Variants in IQSEC1 observed in about 807,000 individuals in gnomAD.
IQSEC1 encodes the protein IQ motif and Sec7 domain ArfGEF 1.
In IQSEC1, 31 loss-of-function variants were observed where a neutral mutation model predicts 91.0. The ratio of observed to expected loss-of-function variants is 0.34; its 90% CI spans 0.26 to 0.46. The LOEUF (loss-of-function observed/expected upper bound fraction) is 0.46, where lower values mean the gene tolerates loss of function less well. IQSEC1 is among the 20% of genes least tolerant of loss of function. The pLI is 1.00. For synonymous variants in IQSEC1, 699 were observed against 662.6 expected (o/e 1.05, Z -0.84); for missense variants, 1,388 against 1,575.6 (o/e 0.88, Z 2.02).
intron 2 of IQSEC1, among the ~76,000 whole-genome samples, chr3:13,090,945 G>A (rs1300394814): frequency 6.6e-6 from 1 of 152,194 alleles, no homozygotes; most frequent in Non-Finnish European, 1.5e-5. Flanking sequence ...CAGCCGCGGG[G>A]ACAGCACTGG....
chr3:13,129,522 T>C (rs1706571440), intron 2 of IQSEC1, among the ~76,000 whole-genome samples: 1 of 152,206 alleles, frequency 6.6e-6, no homozygotes, highest in African/African-American at 2.4e-5. Flanking sequence ...GGGTTTAATT[T>C]GTTCTTAAAA....
intron 1 of IQSEC1, among the ~76,000 whole-genome samples, chr3:12,985,542 A>G (rs1223094636): frequency 1.3e-5 from 2 of 151,970 alleles, no homozygotes; most frequent in Non-Finnish European, 2.9e-5. Context: ...GCTTTCCTTA[A>G]GTCCTGCTGA....
intron 1 of IQSEC1, among the ~76,000 whole-genome samples, chr3:13,219,191 C>T (rs565564647): frequency 1.3e-5 from 2 of 152,336 alleles, no homozygotes; most frequent in East Asian, 1.9e-4. Context: ...AGTCCATCCA[C>T]CTCACCAGCA....
At chr3:13,221,850 C>A (rs1331176102) in intron 1 of IQSEC1, among the ~76,000 whole-genome samples, 1 of 152,240 alleles carries the variant, frequency 6.6e-6, no homozygotes. Flanking sequence ...ATAAAGGACT[C>A]CAGGGCCTGA....
At chr3:13,050,353 C>A (rs541524021) in intron 1 of IQSEC1, among the ~76,000 whole-genome samples, 13 of 152,260 alleles carry the variant, frequency 8.5e-5, no homozygotes, top group African/African-American at 2.9e-4. Flanking sequence ...CCAGAGAGAA[C>A]CCTCAGCCCA....
At position 12,900,656 on chromosome 3, in the gene IQSEC1, G is replaced by C; in HGVS notation, c.*327C>G. 2 of 1,251,288 alleles carry C rather than the reference G, an allele frequency of 1.6e-6. No individual in the cohort carries two copies. The highest frequency in any genetic ancestry group is 2.0e-6 in the Non-Finnish European group (2 of 991,870). The allele number at this position is 1,251,288 out of a possible 1,614,324, so 77.5% of individuals were successfully genotyped here. On this transcript the variant is annotated 3_prime_UTR_variant, in exon 14 of 14. Coordinates refer to ENST00000613206, the MANE Select transcript of IQSEC1 (RefSeq NM_001134382.3). ...GGTTTTCATATGCATGTACATTAGGGCACAGGGAGCTGAGAGCTGGAGTGG... is the reference window on the plus strand; with the variant it reads ...GGTTTTCATATGCATGTACATTAGGCCACAGGGAGCTGAGAGCTGGAGTGG...
chr3:13,091,636 C>T (rs976219438), intron 2 of IQSEC1, among the ~76,000 whole-genome samples: 1 of 152,222 alleles, frequency 6.6e-6, no homozygotes, highest in African/African-American at 2.4e-5. Context: ...ACAATGCTCC[C>T]AGGAAGCCCG....
rs1233934565 is a variant in IQSEC1 at position 12,897,729 on chromosome 3, C to G, written c.*3254G>C. 1.3e-5 allele frequency: 2 copies of G among 152,180 alleles called. No individual in the cohort carries two copies. The highest frequency in any genetic ancestry group is 2.4e-5 in the African/African-American group (1 of 41,430). 9.4% of individuals were successfully genotyped at this position (152,180 alleles called of 1,614,324 possible). A position where few individuals can be genotyped will look rare whatever the true frequency, so the allele number is the denominator to read the frequency against. Reference sequence around the variant, plus strand: ...GCTTACCTGCGGGCACAGAGCTTCCCGTGGCGCTGAGTCAACACCCAGCAT... The same window carrying G: ...GCTTACCTGCGGGCACAGAGCTTCCGGTGGCGCTGAGTCAACACCCAGCAT... On this transcript the variant is annotated 3_prime_UTR_variant, in exon 14 of 14. Coordinates refer to ENST00000613206, the MANE Select transcript of IQSEC1 (RefSeq NM_001134382.3).
chr3:12,897,899 ATTTTT>A lies in IQSEC1; in HGVS notation c.*3079_*3083del, dbSNP rs1693808101. On this transcript the variant is annotated 3_prime_UTR_variant, in exon 14 of 14. Coordinates refer to ENST00000613206, the MANE Select transcript of IQSEC1 (RefSeq NM_001134382.3). Reference sequence around the variant, plus strand: ...TGCACAGCATATTAGGATGAACTTTATTTTTACATTGTTGTACAATTCATTGGTAA... The same window carrying A: ...TGCACAGCATATTAGGATGAACTTTAACATTGTTGTACAATTCATTGGTAA... The A allele has an allele frequency of 6.6e-6, 1 of 152,364 alleles. No individual in the cohort carries two copies. Among genetic ancestry groups the A allele is most frequent in the East Asian group, 1.9e-4 (1 of 5,194 alleles). 9.4% of individuals were successfully genotyped at this position (152,364 alleles called of 1,614,324 possible). A position where few individuals can be genotyped will look rare whatever the true frequency, so the allele number is the denominator to read the frequency against.
At chr3:12,956,525 G>C (rs550114193) in intron 1 of IQSEC1, among the ~76,000 whole-genome samples, 2 of 152,312 alleles carry the variant, frequency 1.3e-5, no homozygotes, top group South Asian at 4.1e-4. Flanking sequence ...TAACCACCAA[G>C]CCTCAATTCA....
chr3:13,121,379 G>A (rs1576259608), intron 2 of IQSEC1, among the ~76,000 whole-genome samples: 1 of 152,290 alleles, frequency 6.6e-6, no homozygotes, highest in Non-Finnish European at 1.5e-5. Flanking sequence ...AGGAACCCAC[G>A]GCTGGGAGGG....
At chr3:13,037,925 G>T (rs1382961380) in intron 1 of IQSEC1, among the ~76,000 whole-genome samples, 1 of 151,880 alleles carries the variant, frequency 6.6e-6, no homozygotes, top group African/African-American at 2.4e-5. Flanking sequence ...GGAGATGGAC[G>T]GTGGGAATGA....
At chr3:12,991,466 T>C (rs1033171923) in intron 1 of IQSEC1, among the ~76,000 whole-genome samples, 2 of 152,180 alleles carry the variant, frequency 1.3e-5, no homozygotes, top group Admixed American at 1.3e-4. Flanking sequence ...ACCAACAGAA[T>C]GGGCTTTTGC....
At chr3:13,147,913 G>A (rs1366050294) in intron 2 of IQSEC1, among the ~76,000 whole-genome samples, 2 of 152,210 alleles carry the variant, frequency 1.3e-5, no homozygotes, top group Non-Finnish European at 2.9e-5. Flanking sequence ...GATTACAGGC[G>A]TGAGCCACCA....
Position 12,949,008 on chromosome 3 carries a change from C to T in IQSEC1, c.24-7143G>A, listed in dbSNP as rs1044249693. On this transcript the variant is annotated intron_variant, in intron 1 of 13. Transcript: ENST00000613206. ...CACAAACCTGCCAGGTACAAGATGC[C>T]GTGGTGGGTGTGTTTAAAATACATG... is the stretch of plus-strand genomic sequence containing the variant. Among the ~76,000 whole-genome samples, 8 of 152,314 alleles carry T rather than the reference C, an allele frequency of 5.3e-5. No homozygotes were observed. In the East Asian group the frequency reaches 1.4e-3, roughly 26 times the overall value.
At chr3:13,076,873 G>A (rs139536929), upstream of IQSEC1, among the ~76,000 whole-genome samples, 133 of 151,932 alleles carry the variant, frequency 8.8e-4, no homozygotes, top group African/African-American at 2.5e-3. Context: ...CTTATTCCCC[G>A]TTCCAATCTC....
intron 1 of IQSEC1, among the ~76,000 whole-genome samples, chr3:13,232,731 A>C (rs1203148250): frequency 2.6e-5 from 4 of 152,226 alleles, no homozygotes; most frequent in Non-Finnish European, 5.9e-5. Flanking sequence ...TAATAAATAA[A>C]GAGTAGTGTA....
chr3:12,945,772 G>A (rs1559658417), intron 1 of IQSEC1, among the ~76,000 whole-genome samples: 1 of 152,152 alleles, frequency 6.6e-6, no homozygotes, highest in African/African-American at 2.4e-5. Context: ...TGGCTTTTCT[G>A]AGTTTATCTG....
chr3:13,196,749 C>CGTGTGT (rs5846802), intron 1 of IQSEC1, among the ~76,000 whole-genome samples: 389 of 148,494 alleles, frequency 2.6e-3, no homozygotes, highest in Middle Eastern at 0.01. Flanking sequence ...CATGTGTGTG[C>CGTGTGT]GTGTGTGTGT....
Sources: gnomAD v4.1 joint callset for allele counts (sites outside exome capture counted in the v4.1 genomes callset) on GRCh38, gnomAD v4.1.1 for gene constraint, MANE v1.5 for transcripts, NCBI Gene and HGNC (gene_info 2026-07-23, HGNC 2026-07-21) for gene names.